DCST1: variants seen among roughly 807,000 people sequenced by gnomAD.
DCST1 encodes the protein E3 ubiquitin-protein ligase DCST1.
Under a neutral mutation model 89.1 loss-of-function variants are expected in DCST1, and 78 were observed. That is an observed-to-expected ratio of 0.88 (90% confidence interval 0.73 to 1.06). The LOEUF is 1.06. Ranked by LOEUF, DCST1 falls within the 50% of genes least tolerant of loss-of-function variation. DCST1 has a pLI of 0.00. For missense variants in DCST1, 900 were observed against 928.6 expected (o/e 0.97, Z 0.40); for synonymous variants, 364 against 371.9 (o/e 0.98, Z 0.24).
intron 5 of DCST1, 79 bp downstream of exon 5, chr1:155,039,610 A>G (rs1660375206): frequency 1.6e-5 from 23 of 1,451,316 alleles, no homozygotes; most frequent in Non-Finnish European, 2.1e-5. Context: ...GGCCGGGTGA[A>G]GGAGAAAAGA....
intron 15 of DCST1, 41 bp from the exon 16 acceptor site, chr1:155,048,016 G>A: frequency 1.9e-6 from 3 of 1,613,220 alleles, no homozygotes; most frequent in Non-Finnish European, 2.5e-6. Context: ...CCATATTTGG[G>A]GGATGCCTTT....
At chr1:155,040,145 A>T (rs969080681) in intron 5 of DCST1, among the ~76,000 whole-genome samples, 21 of 151,564 alleles carry the variant, frequency 1.4e-4, no homozygotes, top group Non-Finnish European at 2.5e-4. Context: ...TACTAAAAAT[A>T]CCAAAAAATT....
intron 4 of DCST1, among the ~76,000 whole-genome samples, chr1:155,038,385 G>A (rs189884066): frequency 4.6e-5 from 7 of 152,340 alleles, no homozygotes; most frequent in East Asian, 3.9e-4. Flanking sequence ...GACATGATCC[G>A]ATTTATGCTT....
intron 16 of DCST1, among the ~76,000 whole-genome samples, chr1:155,048,605 C>G (rs957496636): frequency 6.6e-6 from 1 of 152,130 alleles, no homozygotes; most frequent in Non-Finnish European, 1.5e-5. Context: ...CAGCCAAGCC[C>G]GGTGTAATCT....
At chr1:155,048,017 G>A in intron 15 of DCST1, 40 bp from the exon 16 acceptor site, 2 of 1,613,298 alleles carry the variant, frequency 1.2e-6, no homozygotes, top group Middle Eastern at 1.6e-4. Context: ...CATATTTGGG[G>A]GATGCCTTTC....
In DCST1 at chr1:155,033,837, G is replaced by A. The variant is rs1660183554; in HGVS notation, c.-83G>A. On this transcript the variant is annotated 5_prime_UTR_variant, in exon 1 of 17. Coordinates refer to ENST00000295542, the MANE Select transcript of DCST1 (RefSeq NM_152494.4). The stretch of plus-strand genomic sequence containing the variant: ...CTTGGAATCCTTGACCCAGTTCCGA[G>A]GACTGGAGAGGGGATAGGTAGGTCT... 3 of 1,372,576 alleles carry A rather than the reference G, an allele frequency of 2.2e-6. No individual in the cohort carries two copies. The highest frequency in any genetic ancestry group is 3.0e-6 in the Non-Finnish European group (3 of 1,009,198). 85.0% of individuals were successfully genotyped at this position (1,372,576 alleles called of 1,614,324 possible).
At position 155,043,485 on chromosome 1, in the gene DCST1, GC is replaced by G. The variant is rs1660502193; in HGVS notation, c.1149del (p.Cys383Ter). ...ALGLLHVLLS[C>X]TFLLVLHASF... ...GGGCTGCTGCACGTGCTGCTCTCCT[GC>G]ACTTTCCTGCTGGTCCTGCATGCGT... On this transcript the variant is annotated frameshift_variant, in exon 10 of 17. Transcript: ENST00000295542. LOFTEE classifies it high-confidence loss of function. 1.9e-6 allele frequency: 3 copies of G among 1,600,688 alleles called. No individual in the cohort carries two copies. In the African/African-American group the frequency reaches 4.0e-5, roughly 21 times the overall value.
intron 5 of DCST1, 143 bp downstream of exon 5, chr1:155,039,674 T>G: frequency 8.9e-7 from 1 of 1,128,036 alleles, no homozygotes; most frequent in Non-Finnish European, 1.2e-6. Flanking sequence ...AGGGAGCTCC[T>G]CCCCATATCT....
rs888920763 is a variant in DCST1, at chr1:155,050,795, T to C, written c.2048T>C (p.Val683Ala). ...GACGACATGCGGCAGCGGTGCCCGG[T>C]CTGCACGCCCCGCGAAGAGCTCTCT... ...CWDDMRQRCPVCTPREELSSS... is the reference protein window; with the variant it reads ...CWDDMRQRCPACTPREELSSS... Residue 683 changes from valine (V) to alanine (A), a missense_variant, in exon 17 of 17, where the codon GTC (valine) becomes GCC (alanine). Physicochemically the swap from Val to Ala is moderately conservative, Grantham distance 64. Coordinates refer to ENST00000295542, the MANE Select transcript of DCST1 (RefSeq NM_152494.4). 1 of 1,611,912 alleles carries C rather than the reference T, an allele frequency of 6.2e-7. No individual in the cohort carries two copies. The highest frequency in any genetic ancestry group is 1.7e-5 in the Admixed American group (1 of 59,872).
At chr1:155,034,608 G>A (rs753050338) in intron 3 of DCST1, 45 bp from the exon 4 acceptor site, 376 of 1,613,940 alleles carry the variant, frequency 2.3e-4, no homozygotes, top group Admixed American at 3.2e-4. Flanking sequence ...CTGGACCAGG[G>A]CTAGGACCCA....
intron 10 of DCST1, chr1:155,045,338 T>A (rs1660583102): frequency 5.9e-6 from 1 of 169,624 alleles, no homozygotes; most frequent in Admixed American, 5.7e-5. Flanking sequence ...CATGCACCCA[T>A]GCACACGTGC....
In DCST1 at chr1:155,033,983, C is replaced by G. The variant is rs1452516560; in HGVS notation, c.-54C>G. The G allele has an allele frequency of 6.2e-7, 1 of 1,606,326 alleles. No homozygotes were observed. The highest frequency in any genetic ancestry group is 1.1e-5 in the South Asian group (1 of 90,818). ...TCTTCTCTCACCAGAACCTTGTGTC[C>G]AAGGAGGTCCTTCAGGAGACCTGGG... On this transcript the variant is annotated 5_prime_UTR_variant, in exon 2 of 17. Transcript: ENST00000295542.
chr1:155,050,669 G>C lies in DCST1; in HGVS notation c.1922G>C (p.Trp641Ser). 6.2e-7 allele frequency: 1 copy of C among 1,601,388 alleles called. No individual in the cohort carries two copies. The highest frequency in any genetic ancestry group is 8.5e-7 in the Non-Finnish European group (1 of 1,176,128). The change falls in exon 17 of 17, where the codon TGG (tryptophan) becomes TCG (serine). Residue 641 changes from tryptophan to serine, a missense_variant. Trp to Ser is a radical substitution (Grantham distance 177). Coordinates refer to ENST00000295542, the MANE Select transcript of DCST1 (RefSeq NM_152494.4). ...LHRGCPLLRR[W>S]LCRRCVVCQA... is the part of the protein sequence containing the mutation. ...CGCGGCTGCCCGCTCCTGCGCCGCT[G>C]GCTGTGCCGGCGCTGCGTGGTGTGC...
chr1:155,036,493 T>C (rs1660281320), intron 4 of DCST1, among the ~76,000 whole-genome samples: 1 of 152,094 alleles, frequency 6.6e-6, no homozygotes, highest in African/African-American at 2.4e-5. Flanking sequence ...GCCCTCCCCA[T>C]CCCTTGCGCC....
chr1:155,047,653 T>C, intron 14 of DCST1, 134 bp from the exon 15 acceptor site: 1 of 770,058 alleles, frequency 1.3e-6, no homozygotes, highest in Non-Finnish European at 2.1e-6. Flanking sequence ...AGGGCAGTTC[T>C]GCAGTGAGGG....
chr1:155,050,296 T>G (rs1355571070), intron 16 of DCST1, among the ~76,000 whole-genome samples: 3 of 152,312 alleles, frequency 2.0e-5, no homozygotes, highest in Admixed American at 6.5e-5. Context: ...AAAGTGGGGA[T>G]AGCAACAGTG....
intron 6 of DCST1, 50 bp from the exon 7 acceptor site, chr1:155,041,347 G>A (rs781683344): frequency 1.3e-6 from 2 of 1,598,790 alleles, no homozygotes; most frequent in Admixed American, 1.7e-5. Flanking sequence ...GGCAGCAGAA[G>A]TTCTAAAGCC....
At chr1:155,038,918 C>T (rs955272544) in intron 4 of DCST1, among the ~76,000 whole-genome samples, 4 of 152,184 alleles carry the variant, frequency 2.6e-5, no homozygotes, top group South Asian at 2.1e-4. Flanking sequence ...ACATACCAGG[C>T]GGTACATGAC....
At position 155,047,863 on chromosome 1, in the gene DCST1, T is replaced by C; in HGVS notation, c.1689T>C (p.Cys563=). ...RAAVPIGLLV[C]LCLLQAFGYR... is the part of the protein sequence containing the mutation. ...CAGTACCGATTGGCCTGTTAGTGTG[T>C]CTCTGCCTGTTACAGGCTTTTGGCT... Residue 563 remains cysteine, a synonymous_variant, in exon 15 of 17, where the codon TGT becomes TGC. Transcript: ENST00000295542. 6.2e-7 allele frequency: 1 copy of C among 1,614,180 alleles called. No individual in the cohort carries two copies. The highest frequency in any genetic ancestry group is 8.5e-7 in the Non-Finnish European group (1 of 1,180,026).
Sources: gnomAD v4.1 joint callset for allele counts (sites outside exome capture counted in the v4.1 genomes callset) on GRCh38, gnomAD v4.1.1 for gene constraint, MANE v1.5 for transcripts, NCBI Gene and HGNC (gene_info 2026-07-23, HGNC 2026-07-21) for gene names.